Variants in TMEM259 observed in about 807,000 individuals in gnomAD.
The protein encoded by TMEM259 is transmembrane protein 259.
A neutral mutation model predicts 46.7 loss-of-function variants in TMEM259; 26 were observed. The ratio of observed to expected loss-of-function variants is 0.56; its 90% CI spans 0.41 to 0.77. TMEM259 has a LOEUF of 0.77. Ranked by LOEUF, TMEM259 falls within the 30% of genes least tolerant of loss-of-function variation. The pLI is 0.00. For synonymous variants in TMEM259, 494 were observed against 395.1 expected (o/e 1.25, Z -2.97); for missense variants, 930 against 900.5 (o/e 1.03, Z -0.42).
chr19:1,017,201 C>A, intron 1 of TMEM259: 1 of 399,824 alleles, frequency 2.5e-6, no homozygotes, highest in Non-Finnish European at 4.4e-6. Flanking sequence ...GCAGCAGCCA[C>A]CTCACCAGGC....
Position 1,011,117 on chromosome 19 carries a change from G to T in TMEM259, c.1296C>A (p.Val432=). Residue 432 remains valine (V), a synonymous_variant, in exon 10 of 11, where the codon GTC becomes GTA. Coordinates refer to ENST00000356663, the MANE Select transcript of TMEM259 (RefSeq NM_001033026.2). ...TCACCTGGATGAAGAGCCAGGAGGT[G>T]ACCAGGGCCAGGCTGCTATACTGCC... The part of the protein sequence containing the change: ...FNGQYSSLAL[V]TSWLFIQHSM... 6.3e-7 allele frequency: 1 copy of T among 1,598,982 alleles called. No individual in the cohort carries two copies. The highest frequency in any genetic ancestry group is 1.1e-5 in the South Asian group (1 of 88,808).
chr19:1,012,021 C>T (rs1377023239), intron 5 of TMEM259, 29 bp from the exon 6 acceptor site: 1 of 1,611,682 alleles, frequency 6.2e-7, no homozygotes, highest in Non-Finnish European at 8.5e-7. Context: ...TGAGCGCCCG[C>T]CCCCACCCGC....
intron 10 of TMEM259, 40 bp downstream of exon 10, chr19:1,011,056 G>A: frequency 1.3e-6 from 2 of 1,559,838 alleles, no homozygotes; most frequent in Non-Finnish European, 8.7e-7. Flanking sequence ...GCCTGGAAAG[G>A]CACGGCTGGC....
chr19:1,013,446 T>G, intron 2 of TMEM259, 106 bp from the exon 3 acceptor site: 1 of 1,173,822 alleles, frequency 8.5e-7, no homozygotes. Context: ...AGCCTCAGCC[T>G]CTGCCCCACC....
intron 1 of TMEM259, among the ~76,000 whole-genome samples, chr19:1,019,646 G>A (rs1247207091): frequency 6.6e-6 from 1 of 152,152 alleles, no homozygotes; most frequent in Admixed American, 6.5e-5. Context: ...TCCACTTGCC[G>A]AGCCCAAAAA....
In TMEM259 at chr19:1,012,092, C is replaced by G. The variant is rs777142421; in HGVS notation, c.815G>C (p.Gly272Ala). The G allele has an allele frequency of 9.9e-6, 16 of 1,611,766 alleles. No homozygotes were observed. Among genetic ancestry groups the G allele is most frequent in the Non-Finnish European group, 1.2e-5 (14 of 1,179,446 alleles). The change falls in exon 5 of 11, where the codon GGC (glycine) becomes GCC (alanine). Residue 272 changes from glycine (G) to alanine (A), a missense_variant. By Grantham distance (60) the Gly-to-Ala change is moderately conservative. Coordinates refer to ENST00000356663, the MANE Select transcript of TMEM259 (RefSeq NM_001033026.2). ...CTTGTTCTCCTCGTTCTCGGCCAGG[C>G]CCTTCACGCTGGACATGAGGATGTC... ...YDDILMSSVK[G>A]LAENEENKGF...
In TMEM259 at chr19:1,011,210, G is replaced by A. The variant is rs1568399648; in HGVS notation, c.1218-15C>T. The A allele has an allele frequency of 3.2e-6, 5 of 1,575,146 alleles. No homozygotes were observed. The highest frequency in any genetic ancestry group is 2.6e-6 in the Non-Finnish European group (3 of 1,160,704). On this transcript the variant is annotated splice_polypyrimidine_tract_variant and intron_variant, in intron 9 of 10. Transcript: ENST00000356663. The stretch of plus-strand genomic sequence containing the variant: ...GATAGAAGAACCTGCGGGGCGGGGT[G>A]AGGGCGTCGGGGCTGCAGGTCCCAC...
chr19:1,020,682 A>C lies in TMEM259; in HGVS notation c.225+90T>G. The stretch of plus-strand genomic sequence containing the variant: ...GTGCAGGGTGGCGCTCGCTGTCCCC[A>C]GCGGGGCCAGGGGTCGCGGTCGGAG... On this transcript the variant is annotated intron_variant, in intron 1 of 10. Transcript: ENST00000356663. The surrounding 1 kb of genome is among the most constrained non-coding windows in gnomAD (Gnocchi z 4.0). 1.0e-6 allele frequency: 1 copy of C among 993,056 alleles called. No individual in the cohort carries two copies. The highest frequency in any genetic ancestry group is 1.3e-6 in the Non-Finnish European group (1 of 758,672). The allele number at this position is 993,056 out of a possible 1,614,324, so 61.5% of individuals were successfully genotyped here.
chr19:1,012,528 C>A lies in TMEM259; in HGVS notation c.653G>T (p.Gly218Val), dbSNP rs1320785908. ...GGTGGCCTGCGACAGGCGAAGGAAG[C>A]CATACTCTAGTGAGTACTCCACGAT... ...EYIVEYSLEY[G>V]FLRLSQATRQ... The change falls in exon 4 of 11, where the codon GGC becomes GTC. Residue 218 changes from glycine to valine, a missense_variant. Coordinates refer to ENST00000356663, the MANE Select transcript of TMEM259 (RefSeq NM_001033026.2). 1 of 1,601,038 alleles carries A rather than the reference C, an allele frequency of 6.2e-7. No individual in the cohort carries two copies. The highest frequency in any genetic ancestry group is 1.7e-5 in the Admixed American group (1 of 58,536).
At chr19:1,010,959 G>C in intron 10 of TMEM259, 64 bp from the exon 11 acceptor site, 1 of 1,560,430 alleles carries the variant, frequency 6.4e-7, no homozygotes, top group South Asian at 1.2e-5. Context: ...GCTGCTCCCA[G>C]AGGGCAGCCC....
At position 1,011,213 on chromosome 19, in the gene TMEM259, G is replaced by A; in HGVS notation, c.1218-18C>T. ...AGAAGAACCTGCGGGGCGGGGTGAG[G>A]GCGTCGGGGCTGCAGGTCCCACCCT... On this transcript the variant is annotated intron_variant, in intron 9 of 10. Transcript: ENST00000356663. The A allele has an allele frequency of 1.3e-6, 2 of 1,572,304 alleles. No individual in the cohort carries two copies. Among genetic ancestry groups the A allele is most frequent in the South Asian group, 1.2e-5 (1 of 86,896 alleles).
At position 1,012,009 on chromosome 19, in the gene TMEM259, C is replaced by A. The variant is rs375642389; in HGVS notation, c.842-17G>T. 6.2e-7 allele frequency: 1 copy of A among 1,611,394 alleles called. No individual in the cohort carries two copies. The highest frequency in any genetic ancestry group is 8.5e-7 in the Non-Finnish European group (1 of 1,179,302). On this transcript the variant is annotated splice_polypyrimidine_tract_variant and intron_variant, in intron 5 of 10. Transcript: ENST00000356663. ...GCAGGAAGCCTGCAGCAGAAGGAGC[C>A]GTGAGCGCCCGCCCCCACCCGCGCC...
In TMEM259 at chr19:1,021,012, G is replaced by A. The variant is rs1430979456; in HGVS notation, c.-16C>T. On this transcript the variant is annotated 5_prime_UTR_variant, in exon 1 of 11. Transcript: ENST00000356663. Reference sequence around the variant, plus strand: ...GCTCCGACATGCCTCCCAGCGTCGCGCCCTAACGACCCGCAAGTGTCCGAG... The same window carrying A: ...GCTCCGACATGCCTCCCAGCGTCGCACCCTAACGACCCGCAAGTGTCCGAG... The A allele has an allele frequency of 4.4e-6, 6 of 1,356,146 alleles. No individual in the cohort carries two copies. The African/African-American group carries it at 4.6e-5, about 10-fold the overall frequency. 84.0% of individuals were successfully genotyped at this position (1,356,146 alleles called of 1,614,324 possible).
intron 1 of TMEM259, 28 bp from the exon 2 acceptor site, chr19:1,014,501 C>T (rs377653736): frequency 1.2e-4 from 194 of 1,592,706 alleles, no homozygotes; most frequent in South Asian, 2.6e-4. Flanking sequence ...GTCAGTGGGG[C>T]GCCCCAGGGC....
chr19:1,014,598 C>T, intron 1 of TMEM259, 125 bp from the exon 2 acceptor site: 1 of 1,152,858 alleles, frequency 8.7e-7, no homozygotes, highest in South Asian at 1.6e-5. Context: ...AAGGAAACCC[C>T]AGAAGCCGAA....
At position 1,012,527 on chromosome 19, in the gene TMEM259, G is replaced by T. The variant is rs1277562806; in HGVS notation, c.654C>A (p.Gly218=). 6.2e-7 allele frequency: 1 copy of T among 1,601,200 alleles called. No homozygotes were observed. The highest frequency in any genetic ancestry group is 8.5e-7 in the Non-Finnish European group (1 of 1,175,214). Residue 218 remains glycine (G), a synonymous_variant, in exon 4 of 11, where the codon GGC becomes GGA. Transcript: ENST00000356663. The stretch of plus-strand genomic sequence containing the variant: ...GGGTGGCCTGCGACAGGCGAAGGAA[G>T]CCATACTCTAGTGAGTACTCCACGA... ...EYIVEYSLEY[G]FLRLSQATRQ...
Position 1,010,151 on chromosome 19 carries a change from T to C in TMEM259, c.*199A>G, listed in dbSNP as rs2038851709. ...TTGCTGACCAGCTCAAACACCTCACTAGCGGGTACAAGCCTCGGGCGCGAC... is the reference window on the plus strand; with the variant it reads ...TTGCTGACCAGCTCAAACACCTCACCAGCGGGTACAAGCCTCGGGCGCGAC... On this transcript the variant is annotated 3_prime_UTR_variant, in exon 11 of 11. Coordinates refer to ENST00000356663, the MANE Select transcript of TMEM259 (RefSeq NM_001033026.2). 5 of 546,096 alleles carry C rather than the reference T, an allele frequency of 9.2e-6. No individual in the cohort carries two copies. The highest frequency in any genetic ancestry group is 1.6e-5 in the Non-Finnish European group (5 of 320,126). The allele number at this position is 546,096 out of a possible 1,614,324, so 33.8% of individuals were successfully genotyped here.
At chr19:1,019,703 C>T (rs930077147) in intron 1 of TMEM259, among the ~76,000 whole-genome samples, 7 of 152,148 alleles carry the variant, frequency 4.6e-5, no homozygotes, top group Non-Finnish European at 8.8e-5. Context: ...AACTTGCCCA[C>T]GATCGCAGCC....
At position 1,010,301 on chromosome 19, in the gene TMEM259, G is replaced by GA; in HGVS notation, c.*48dup. 1 of 1,403,990 alleles carries GA rather than the reference G, an allele frequency of 7.1e-7. No individual in the cohort carries two copies. 87.0% of individuals were successfully genotyped at this position (1,403,990 alleles called of 1,614,324 possible). ...GCCTCCCCCACCCCCACGGGCTCGG[G>GA]AAGGTCAGGCCCAGCCAGCAGGGGT... On this transcript the variant is annotated 3_prime_UTR_variant, in exon 11 of 11. Transcript: ENST00000356663.
Sources: gnomAD v4.1 joint callset for allele counts (sites outside exome capture counted in the v4.1 genomes callset) on GRCh38, gnomAD v4.1.1 for gene constraint, Gnocchi (gnomAD v3.1) non-coding constraint, MANE v1.5 for transcripts, NCBI Gene and HGNC (gene_info 2026-07-23, HGNC 2026-07-21) for gene names.